The following SAMD4A variants were observed in gnomAD, a reference collection of about 807,000 sequenced individuals.
SAMD4A encodes protein Smaug homolog 1.
Under a neutral mutation model 81.3 loss-of-function variants are expected in SAMD4A, and 33 were observed. The ratio of observed to expected loss-of-function variants is 0.41; its 90% CI spans 0.31 to 0.54. The LOEUF (loss-of-function observed/expected upper bound fraction) is 0.54, where lower values mean the gene tolerates loss of function less well. Among genes scored for constraint, SAMD4A ranks in the 20% least tolerant of loss-of-function variants. SAMD4A has a pLI of 0.37. For synonymous variants in SAMD4A, 389 were observed against 382.1 expected (o/e 1.02, Z -0.21); for missense variants, 854 against 951.1 (o/e 0.90, Z 1.34).
intron 6 of SAMD4A, among the ~76,000 whole-genome samples, chr14:54,753,300 A>G (rs927666485): frequency 7.2e-5 from 11 of 152,394 alleles, no homozygotes; most frequent in Admixed American, 5.9e-4. Context: ...GGCTTTCCGC[A>G]GTGCATTGTG....
At chr14:54,566,035 G>T (rs1353673647), upstream of SAMD4A, among the ~76,000 whole-genome samples, 3 of 152,020 alleles carry the variant, frequency 2.0e-5, no homozygotes, top group East Asian at 3.9e-4. Context: ...CCGCTCGGGC[G>T]CTCCCTGCCA....
intron 2 of SAMD4A, among the ~76,000 whole-genome samples, chr14:54,584,577 A>G (rs552751436): frequency 1.3e-5 from 2 of 152,332 alleles, no homozygotes; most frequent in South Asian, 4.1e-4. Context: ...AATTTGTTCA[A>G]TGGAATAAAC....
At chr14:54,749,075 G>A (rs988591067) in intron 5 of SAMD4A, 151 bp downstream of exon 5, 1 of 585,582 alleles carries the variant, frequency 1.7e-6, no homozygotes, top group Admixed American at 2.9e-5. Context: ...GCATTCCATG[G>A]TGAGCAAAAC....
chr14:54,574,368 A>G (rs185398663), intron 2 of SAMD4A, among the ~76,000 whole-genome samples: 2 of 152,298 alleles, frequency 1.3e-5, no homozygotes, highest in East Asian at 1.9e-4. Flanking sequence ...GTGTCACATG[A>G]AATAAGTGCT....
intron 2 of SAMD4A, among the ~76,000 whole-genome samples, chr14:54,568,737 AT>A (rs1566524884): frequency 7.9e-5 from 8 of 101,184 alleles, no homozygotes; most frequent in Admixed American, 1.2e-4. Context: ...ATATATATAT[AT>A]ATAATGCGGT....
intron 2 of SAMD4A, among the ~76,000 whole-genome samples, chr14:54,641,794 A>ATTGTTG (rs935260563): frequency 6.6e-6 from 1 of 151,946 alleles, no homozygotes; most frequent in African/African-American, 2.4e-5. Context: ...CAGTAAGTTT[A>ATTGTTG]TTGTTGTTGT....
intron 2 of SAMD4A, among the ~76,000 whole-genome samples, chr14:54,602,700 G>C (rs1396962478): frequency 6.6e-6 from 1 of 151,674 alleles, no homozygotes. Context: ...TAATGTAAAT[G>C]ATGAGTTAAT....
chr14:54,779,329 C>T (rs946666740), intron 11 of SAMD4A, among the ~76,000 whole-genome samples: 1 of 152,218 alleles, frequency 6.6e-6, no homozygotes, highest in Admixed American at 6.5e-5. Context: ...AGATGTGTAA[C>T]TAACCCAAAA....
intron 11 of SAMD4A, among the ~76,000 whole-genome samples, chr14:54,778,136 T>C (rs773679973): frequency 1.3e-5 from 2 of 152,238 alleles, no homozygotes; most frequent in Non-Finnish European, 2.9e-5. Flanking sequence ...TCTTCAATTC[T>C]GTATACCTTC....
At chr14:54,596,387 C>T (rs550395297) in intron 2 of SAMD4A, among the ~76,000 whole-genome samples, 126 of 152,272 alleles carry the variant, frequency 8.3e-4, no homozygotes, top group African/African-American at 2.9e-3. Flanking sequence ...GAGTTCGAGA[C>T]CAGCCTGCCC....
chr14:54,570,937 A>G (rs537735974), intron 2 of SAMD4A, among the ~76,000 whole-genome samples: 70 of 152,300 alleles, frequency 4.6e-4, no homozygotes, highest in African/African-American at 1.6e-3. Flanking sequence ...GTAATCATCA[A>G]TTTAAAAAAC....
At chr14:54,694,780 A>C (rs1276247414) in intron 2 of SAMD4A, 1 of 985,384 alleles carries the variant, frequency 1.0e-6, no homozygotes, top group African/African-American at 1.7e-5. Context: ...CTTGGCTGAG[A>C]TCTCAGGACT....
intron 2 of SAMD4A, among the ~76,000 whole-genome samples, chr14:54,644,460 C>T (rs1400198872): frequency 6.6e-6 from 1 of 152,180 alleles, no homozygotes; most frequent in African/African-American, 2.4e-5. Context: ...GTTCATTTCA[C>T]CTTCACAACA....
chr14:54,620,625 A>T (rs1356144733), intron 2 of SAMD4A, among the ~76,000 whole-genome samples: 1 of 152,152 alleles, frequency 6.6e-6, no homozygotes, highest in African/African-American at 2.4e-5. Context: ...TAGGTCTGAG[A>T]TCTTTATTTT....
At chr14:54,658,668 A>G (rs1355237474) in intron 2 of SAMD4A, among the ~76,000 whole-genome samples, 2 of 152,302 alleles carry the variant, frequency 1.3e-5, no homozygotes, top group African/African-American at 4.8e-5. Context: ...CCACTGGGAT[A>G]TTCCCACAGT....
chr14:54,733,709 C>T lies in SAMD4A; in HGVS notation c.716-3315C>T, dbSNP rs530730578. 3.9e-5 allele frequency among the ~76,000 whole-genome samples: 6 copies of T among 152,178 alleles called. No homozygotes were observed. The South Asian group carries it at 1.0e-3, about 26-fold the overall frequency. On this transcript the variant is annotated intron_variant, in intron 3 of 12. Transcript: ENST00000554335. ...GAACCGTTAGCCATTGTCTGCTGCACATCAGTCTACAAGCAAGAACATCTA... is the reference window on the plus strand; with the variant it reads ...GAACCGTTAGCCATTGTCTGCTGCATATCAGTCTACAAGCAAGAACATCTA...
intron 2 of SAMD4A, among the ~76,000 whole-genome samples, chr14:54,644,428 G>A (rs1218865596): frequency 6.6e-6 from 1 of 152,162 alleles, no homozygotes; most frequent in African/African-American, 2.4e-5. Flanking sequence ...CAGGCACCTG[G>A]CTATGTACTT....
intron 11 of SAMD4A, 103 bp downstream of exon 11, chr14:54,776,643 A>C: frequency 7.7e-7 from 1 of 1,297,452 alleles, no homozygotes; most frequent in Non-Finnish European, 1.0e-6. Flanking sequence ...GTCACCGTGC[A>C]TTCTTTGGAG....
intron 6 of SAMD4A, 100 bp from the exon 7 acceptor site, chr14:54,760,061 C>T: frequency 8.0e-7 from 1 of 1,254,798 alleles, no homozygotes; most frequent in Non-Finnish European, 1.1e-6. Flanking sequence ...TACCAGCAGC[C>T]ACGAATCCTG....
Sources: gnomAD v4.1 joint callset for allele counts (sites outside exome capture counted in the v4.1 genomes callset) on GRCh38, gnomAD v4.1.1 for gene constraint, MANE v1.5 for transcripts, NCBI Gene and HGNC (gene_info 2026-07-23, HGNC 2026-07-21) for gene names.